The following SORT1 variants were observed in gnomAD, a reference collection of about 807,000 sequenced individuals.
SORT1 encodes sortilin 1, also known as sortilin.
Under a neutral mutation model 101.7 loss-of-function variants are expected in SORT1, and 39 were observed. The observed-to-expected ratio is 0.38, with a 90% CI of 0.30 to 0.50. The LOEUF (loss-of-function observed/expected upper bound fraction) is 0.50, where lower values mean the gene tolerates loss of function less well. SORT1 is among the 20% of genes least tolerant of loss of function. SORT1 has a pLI of 0.90. For synonymous variants in SORT1, 396 were observed against 393.7 expected (o/e 1.01, Z -0.07); for missense variants, 878 against 1,040.4 (o/e 0.84, Z 2.15).
chr1:109,345,639 C>T, intron 8 of SORT1, 112 bp downstream of exon 8: 2 of 1,041,076 alleles, frequency 1.9e-6, no homozygotes, highest in East Asian at 2.4e-5. Context: ...CACAGTGGTA[C>T]TAAATATAAC....
chr1:109,344,465 C>A (rs1472675194), intron 8 of SORT1, among the ~76,000 whole-genome samples: 2 of 152,158 alleles, frequency 1.3e-5, no homozygotes, highest in East Asian at 3.9e-4. Context: ...CTGCCCTTCT[C>A]CCCTTTGCTT....
intron 13 of SORT1, among the ~76,000 whole-genome samples, chr1:109,326,428 A>AAT (rs1166570516): frequency 0.026 from 1,815 of 70,628 alleles, 21 homozygotes; most frequent in Admixed American, 0.029. Context: ...AGACAGAAAG[A>AAT]ATATATATAT....
chr1:109,315,487 A>C (rs528424691), intron 17 of SORT1, among the ~76,000 whole-genome samples: 18 of 152,000 alleles, frequency 1.2e-4, no homozygotes, highest in African/African-American at 4.3e-4. Context: ...CCCCTTACCA[A>C]TACACACACT....
intron 15 of SORT1, among the ~76,000 whole-genome samples, 174 bp from the exon 16 acceptor site, chr1:109,318,143 C>T: frequency 6.6e-6 from 1 of 150,524 alleles, no homozygotes; most frequent in Non-Finnish European, 1.5e-5. Context: ...GGAAAACAGA[C>T]ACGGAGAGGG....
chr1:109,377,812 C>T (rs1651960420), intron 1 of SORT1, among the ~76,000 whole-genome samples: 1 of 152,026 alleles, frequency 6.6e-6, no homozygotes, highest in African/African-American at 2.4e-5. Context: ...AGGTAGAACA[C>T]ACAGGAAGAT....
intron 3 of SORT1, among the ~76,000 whole-genome samples, chr1:109,361,687 T>C (rs905811541): frequency 2.6e-5 from 4 of 152,228 alleles, no homozygotes; most frequent in African/African-American, 9.6e-5. Flanking sequence ...TGGTTTTTAC[T>C]AATTGAGAAA....
At chr1:109,387,714 G>T (rs536264007) in intron 1 of SORT1, among the ~76,000 whole-genome samples, 1 of 152,102 alleles carries the variant, frequency 6.6e-6, no homozygotes, top group African/African-American at 2.4e-5. Context: ...CAACACTTTG[G>T]GGCCGAGGTG....
At chr1:109,323,327 T>G (rs1647768718) in intron 14 of SORT1, among the ~76,000 whole-genome samples, 2 of 152,244 alleles carry the variant, frequency 1.3e-5, no homozygotes, top group Non-Finnish European at 2.9e-5. Flanking sequence ...AGAGTATTCC[T>G]TCCATCTCAA....
In SORT1 at chr1:109,386,618, C is replaced by A. The variant is rs1385624188; in HGVS notation, c.306+10969G>T. Among the ~76,000 whole-genome samples the A allele has an allele frequency of 7.2e-5, 11 of 151,832 alleles. No individual in the cohort carries two copies. The East Asian group carries it at 9.7e-4, about 13-fold the overall frequency. The stretch of plus-strand genomic sequence containing the variant: ...CTATACTCCTAGCACTTTGGGAGGC[C>A]CAGGCGGAAGGATCACTTGAGCCCA... On this transcript the variant is annotated intron_variant, in intron 1 of 19. Coordinates refer to ENST00000256637, the MANE Select transcript of SORT1 (RefSeq NM_002959.7).
At chr1:109,389,521 G>C (rs1055234177) in intron 1 of SORT1, among the ~76,000 whole-genome samples, 1 of 152,172 alleles carries the variant, frequency 6.6e-6, no homozygotes, top group Non-Finnish European at 1.5e-5. Context: ...TCAGCCAGCC[G>C]CATCAGCAAA....
At chr1:109,314,423 GCAGGGGTGCACTTCTTA>G (rs1658916159) in intron 18 of SORT1, 39 bp from the exon 19 acceptor site, 2 of 1,607,978 alleles carry the variant, frequency 1.2e-6, no homozygotes, top group Non-Finnish European at 1.7e-6. Context: ...GTGGTACACA[GCAGGGGTGCACTTCTTA>G]CAGGACTGTG....
At chr1:109,338,858 C>A (rs1252333161) in intron 10 of SORT1, among the ~76,000 whole-genome samples, 1 of 151,968 alleles carries the variant, frequency 6.6e-6, no homozygotes, top group Non-Finnish European at 1.5e-5. Context: ...CACCACCAGG[C>A]CAAACCCTCC....
In SORT1 at chr1:109,397,629, C is replaced by T; in HGVS notation, c.264G>A (p.Arg88=). 1 of 1,278,528 alleles carries T rather than the reference C, an allele frequency of 7.8e-7. No individual in the cohort carries two copies. Among genetic ancestry groups the T allele is most frequent in the South Asian group, 1.6e-5 (1 of 62,136 alleles). 79.2% of individuals were successfully genotyped at this position (1,278,528 alleles called of 1,614,324 possible). Reference sequence around the variant, plus strand: ...CCAGCTTGGCGACGAAGTCCCGGACCCGGCCGCACTCCTCGTCCTCGCCCG... The same window carrying T: ...CCAGCTTGGCGACGAAGTCCCGGACTCGGCCGCACTCCTCGTCCTCGCCCG... ...SAPGEDEECG[R]VRDFVAKLAN... Residue 88 remains arginine (R), a synonymous_variant, in exon 1 of 20, where the codon CGG becomes CGA. Coordinates refer to ENST00000256637, the MANE Select transcript of SORT1 (RefSeq NM_002959.7).
chr1:109,358,950 T>C (rs1650523888), intron 3 of SORT1, among the ~76,000 whole-genome samples: 1 of 152,226 alleles, frequency 6.6e-6, no homozygotes, highest in Non-Finnish European at 1.5e-5. Context: ...TGATCATTTT[T>C]GCATGTATCC....
chr1:109,366,111 C>T (rs1651072985), intron 3 of SORT1, among the ~76,000 whole-genome samples: 3 of 152,196 alleles, frequency 2.0e-5, no homozygotes, highest in Non-Finnish European at 4.4e-5. Flanking sequence ...AAGACACAAT[C>T]ATTCAGCAAT....
intron 1 of SORT1, among the ~76,000 whole-genome samples, chr1:109,377,480 T>C (rs1326060732): frequency 6.6e-6 from 1 of 152,230 alleles, no homozygotes; most frequent in African/African-American, 2.4e-5. Flanking sequence ...AATGGCTGAA[T>C]AGCGTTTATT....
At chr1:109,350,101 C>A (rs535621521) in intron 6 of SORT1, among the ~76,000 whole-genome samples, 1 of 152,162 alleles carries the variant, frequency 6.6e-6, no homozygotes, top group Non-Finnish European at 1.5e-5. Flanking sequence ...AATGCTGTTA[C>A]GTGCTTATTG....
At chr1:109,378,698 TGATATATATATATATATATATATA>T (rs1652012801) in intron 1 of SORT1, among the ~76,000 whole-genome samples, 2 of 62,130 alleles carry the variant, frequency 3.2e-5, no homozygotes, top group African/African-American at 6.7e-5. Context: ...GTAGAGTGAA[TGATATATATATATATATATATATA>T]TATATATATA....
chr1:109,342,131 T>C lies in SORT1; in HGVS notation c.991A>G (p.Thr331Ala), dbSNP rs201432911. Residue 331 changes from threonine (T) to alanine (A), a missense_variant, in exon 9 of 20, where the codon ACA (threonine) becomes GCA (alanine). This residue lies in a region of SORT1 where 684 missense variants were observed against 894.5 expected (regional missense o/e 0.76). Coordinates refer to ENST00000256637, the MANE Select transcript of SORT1 (RefSeq NM_002959.7). ...ATGCTCCATGTGTCCCCTTGATCTG[T>C]TGAAACGTGGATCCTTCTTGTTGTA... ...KDTTRRIHVS[T>A]DQGDTWSMAQ... The C allele has an allele frequency of 1.9e-6, 3 of 1,612,868 alleles. No homozygotes were observed. Among genetic ancestry groups the C allele is most frequent in the East Asian group, 2.2e-5 (1 of 44,874 alleles).
Sources: allele counts gnomAD v4.1 joint callset (sites outside exome capture counted in the v4.1 genomes callset), GRCh38; gene constraint gnomAD v4.1.1; regional missense constraint gnomAD v4.1.1; transcripts MANE v1.5; gene names NCBI Gene and HGNC (gene_info 2026-07-23, HGNC 2026-07-21).